HNRNPA3: variants seen among roughly 807,000 people sequenced by gnomAD.
HNRNPA3 encodes the protein epididymis secretory sperm binding protein.
Under a neutral mutation model 45.8 loss-of-function variants are expected in HNRNPA3, and 3 were observed. The observed-to-expected ratio is 0.07, with a 90% confidence interval of 0.03 to 0.17. HNRNPA3 has a LOEUF of 0.17. Among genes scored for constraint, HNRNPA3 ranks in the 10% least tolerant of loss-of-function variants. The pLI, the probability that HNRNPA3 is intolerant of heterozygous loss-of-function variation, is 1.00. For synonymous variants in HNRNPA3, 170 were observed against 155.6 expected, an observed-to-expected ratio of 1.09 and a Z score of -0.69; for missense variants, 183 against 480.3, an observed-to-expected ratio of 0.38 and a Z score of 5.79.
chr2:177,212,986 A>T (rs889800119), intron 1 of HNRNPA3, 115 bp downstream of exon 1: 1 of 646,660 alleles, frequency 1.5e-6, no homozygotes, highest in Non-Finnish European at 2.4e-6. Context: ...TTGCGTTGAG[A>T]CAGGCTGTGG....
chr2:177,221,255 C>T (rs567615014), downstream of HNRNPA3: 2 of 152,708 alleles, frequency 1.3e-5, no homozygotes, highest in African/African-American at 4.8e-5. Flanking sequence ...ATAATGGACA[C>T]TGTCAATGTT....
chr2:177,219,215 T>C, intron 9 of HNRNPA3, 32 bp from the exon 10 acceptor site: 1 of 1,611,234 alleles, frequency 6.2e-7, no homozygotes, highest in Non-Finnish European at 8.5e-7. Context: ...AAAATGTGCA[T>C]ACTTCTTTTA....
At position 177,212,813 on chromosome 2, in the gene HNRNPA3, C is replaced by A. The variant is rs750281803; in HGVS notation, c.14C>A (p.Pro5Gln). Residue 5 changes from proline to glutamine, a missense_variant, in exon 1 of 11, where the codon CCG becomes CAG. Coordinates refer to ENST00000392524, the Ensembl canonical transcript of HNRNPA3. ...TCCGGTCTCAAAATGGAGGTAAAAC[C>A]GCCGCCCGGTCGCCCCCAGCCCGAC... is the stretch of plus-strand genomic sequence containing the variant. 3.2e-6 allele frequency: 5 copies of A among 1,564,800 alleles called. No homozygotes were observed. In the South Asian group the frequency reaches 4.7e-5, roughly 15 times the overall value.
intron 8 of HNRNPA3, among the ~76,000 whole-genome samples, chr2:177,218,711 A>G (rs919879396): frequency 3.9e-5 from 6 of 152,242 alleles, no homozygotes; most frequent in East Asian, 3.8e-4. Context: ...TAACATGTCA[A>G]TGACAGATGA....
intron 7 of HNRNPA3, among the ~76,000 whole-genome samples, 192 bp from the exon 8 acceptor site, chr2:177,217,513 T>G (rs186964364): frequency 1.3e-5 from 2 of 152,200 alleles, no homozygotes; most frequent in African/African-American, 2.4e-5. Flanking sequence ...GCCCATAGTC[T>G]AGCTACTCAG....
downstream of HNRNPA3, chr2:177,222,956 A>G (rs976781127): frequency 6.6e-6 from 1 of 152,596 alleles, no homozygotes; most frequent in African/African-American, 2.4e-5. Context: ...TTGTAAAAAC[A>G]CATTTTCCCA....
chr2:177,216,298 G>A (rs909693492), intron 4 of HNRNPA3, 110 bp downstream of exon 4: 3 of 783,462 alleles, frequency 3.8e-6, no homozygotes, highest in South Asian at 1.8e-5. Context: ...CATTTATAGT[G>A]TATAGTCAAT....
intron 4 of HNRNPA3, 73 bp from the exon 5 acceptor site, chr2:177,216,430 G>T: frequency 9.5e-7 from 1 of 1,055,632 alleles, no homozygotes; most frequent in Non-Finnish European, 1.4e-6. Context: ...CATAATGACA[G>T]AGGGTATCTC....
downstream of HNRNPA3, chr2:177,223,771 C>T (rs1293231204): frequency 6.6e-6 from 1 of 152,140 alleles, no homozygotes; most frequent in Non-Finnish European, 1.5e-5. Flanking sequence ...CAGAAGTGTT[C>T]TGTAATGGAT....
downstream of HNRNPA3, chr2:177,221,916 A>G (rs547760568): frequency 6.5e-6 from 1 of 152,792 alleles, no homozygotes; most frequent in Non-Finnish European, 1.5e-5. Context: ...TCAATGAGAG[A>G]TAGTTGCCAC....
intron 1 of HNRNPA3, 113 bp downstream of exon 1, chr2:177,212,984 A>C (rs900300274): frequency 1.5e-6 from 1 of 664,094 alleles, no homozygotes; most frequent in Non-Finnish European, 2.3e-6. Context: ...TCTTGCGTTG[A>C]GACAGGCTGT....
exon 2 of HNRNPA3, chr2:177,215,616 T>C: frequency 6.2e-7 from 1 of 1,613,894 alleles, no homozygotes; most frequent in Non-Finnish European, 8.5e-7. Context: ...CAGATGATAG[T>C]TTACGAGAAC....
intron 7 of HNRNPA3, 115 bp from the exon 8 acceptor site, chr2:177,217,590 G>A (rs1481015048): frequency 1.6e-6 from 2 of 1,282,438 alleles, no homozygotes; most frequent in Non-Finnish European, 2.3e-6. Flanking sequence ...TTGCACCACT[G>A]TACTTGAGCC....
chr2:177,213,124 C>T (rs1316628915), intron 1 of HNRNPA3, among the ~76,000 whole-genome samples: 1 of 151,506 alleles, frequency 6.6e-6, no homozygotes, highest in Non-Finnish European at 1.5e-5. Context: ...GGGAAGCCGG[C>T]CTGCCGGCTG....
chr2:177,218,256 G>T (rs895102569), intron 8 of HNRNPA3, among the ~76,000 whole-genome samples: 1 of 151,888 alleles, frequency 6.6e-6, no homozygotes, highest in Non-Finnish European at 1.5e-5. Flanking sequence ...TAGAGATGGG[G>T]TTTCACCATG....
At chr2:177,219,606 A>C in exon 11 of HNRNPA3, 2 of 278,262 alleles carry the variant, frequency 7.2e-6, no homozygotes, top group Non-Finnish European at 1.4e-5. Context: ...GTTTGCAAAA[A>C]GTGCAGCTAT....
downstream of HNRNPA3, chr2:177,220,111 GAA>G (rs1234500751): frequency 6.6e-6 from 1 of 152,242 alleles, no homozygotes; most frequent in African/African-American, 2.4e-5. Flanking sequence ...ACCTTCAAAT[GAA>G]AAAAAATCTC....
exon 11 of HNRNPA3, chr2:177,219,862 CAAGT>C: frequency 6.5e-6 from 1 of 152,720 alleles, no homozygotes; most frequent in South Asian, 2.1e-4. Flanking sequence ...TGTGAGTTAA[CAAGT>C]AAAGAAGATC....
intron 1 of HNRNPA3, among the ~76,000 whole-genome samples, 186 bp downstream of exon 1, chr2:177,213,057 C>T (rs1192677285): frequency 6.6e-6 from 1 of 152,116 alleles, no homozygotes; most frequent in Non-Finnish European, 1.5e-5. Flanking sequence ...CTCGCCTTCA[C>T]CTTCGGCTGC....
Sources: gnomAD v4.1 joint callset for allele counts (sites outside exome capture counted in the v4.1 genomes callset) on GRCh38, gnomAD v4.1.1 for gene constraint, MANE v1.5 for transcripts, NCBI Gene and HGNC (gene_info 2026-07-23, HGNC 2026-07-21) for gene names.